Variants in TBXAS1 observed in about 807,000 individuals in gnomAD.
The protein encoded by TBXAS1 is thromboxane-A synthase.
A neutral mutation model predicts 60.7 loss-of-function variants in TBXAS1; 48 were observed. The observed-to-expected ratio is 0.79, with a 90% CI of 0.63 to 1.01. TBXAS1 has a LOEUF of 1.01. Among genes scored for constraint, TBXAS1 ranks in the 50% least tolerant of loss-of-function variants. The pLI is 0.00. For missense variants in TBXAS1, 685 were observed against 686.3 expected (o/e 1.00, Z 0.02); for synonymous variants, 287 against 269.7 (o/e 1.06, Z -0.63).
intron 2 of TBXAS1, among the ~76,000 whole-genome samples, chr7:139,873,469 T>C (rs1318583459): frequency 1.3e-5 from 2 of 151,606 alleles, no homozygotes; most frequent in Admixed American, 6.6e-5. Flanking sequence ...GTGATGAGAG[T>C]GAATAGAGAT....
upstream of TBXAS1, among the ~76,000 whole-genome samples, chr7:139,828,554 A>G (rs1798512687): frequency 6.6e-6 from 1 of 152,142 alleles, no homozygotes; most frequent in South Asian, 2.1e-4. Flanking sequence ...TGGAGCTAAA[A>G]TTCACCATGG....
intron 5 of TBXAS1, among the ~76,000 whole-genome samples, chr7:139,951,555 A>C (rs574925780): frequency 7.9e-6 from 1 of 125,824 alleles, no homozygotes; most frequent in South Asian, 2.7e-4. Flanking sequence ...CAGGAGTTCT[A>C]GATCAGCCTG....
intron 1 of TBXAS1, among the ~76,000 whole-genome samples, chr7:139,861,322 C>G (rs1800948086): frequency 6.6e-6 from 1 of 151,944 alleles, no homozygotes; most frequent in Admixed American, 6.6e-5. Flanking sequence ...TAACCTTGAA[C>G]TCCAGGGCTC....
At chr7:139,953,257 A>G in intron 5 of TBXAS1, 111 bp from the exon 6 acceptor site, 1 of 883,782 alleles carries the variant, frequency 1.1e-6, no homozygotes, top group Admixed American at 1.7e-5. Flanking sequence ...AATATCTTCC[A>G]AACAGTGTTC....
At chr7:139,977,609 A>G (rs1465017530) in intron 9 of TBXAS1, among the ~76,000 whole-genome samples, 1 of 152,124 alleles carries the variant, frequency 6.6e-6, no homozygotes, top group Non-Finnish European at 1.5e-5. Flanking sequence ...ACCTTGTCTC[A>G]GAATTAAGAG....
At chr7:139,936,463 G>A (rs1262008342) in intron 5 of TBXAS1, among the ~76,000 whole-genome samples, 156 bp downstream of exon 5, 2 of 152,200 alleles carry the variant, frequency 1.3e-5, no homozygotes, top group Non-Finnish European at 2.9e-5. Context: ...TATGCAGAAA[G>A]CACGGGACTC....
intron 4 of TBXAS1, among the ~76,000 whole-genome samples, chr7:139,801,576 CCTT>C (rs1797725133): frequency 6.6e-6 from 1 of 151,154 alleles, no homozygotes; most frequent in Non-Finnish European, 1.5e-5. Context: ...CTCAAACAAT[CCTT>C]CTACCTCAGC....
intron 4 of TBXAS1, among the ~76,000 whole-genome samples, chr7:139,823,754 C>T (rs1295388891): frequency 6.6e-6 from 1 of 152,192 alleles, no homozygotes; most frequent in Non-Finnish European, 1.5e-5. Flanking sequence ...GGTTGTGTTA[C>T]ATGTATGACC....
intron 4 of TBXAS1, among the ~76,000 whole-genome samples, chr7:139,819,149 C>A (rs1585551637): frequency 6.6e-6 from 1 of 152,214 alleles, no homozygotes; most frequent in East Asian, 1.9e-4. Flanking sequence ...GGGCTGGCTC[C>A]ATTTCTCAGC....
intron 3 of TBXAS1, among the ~76,000 whole-genome samples, chr7:139,783,597 G>A (rs1797069838): frequency 6.6e-6 from 1 of 152,200 alleles, no homozygotes; most frequent in African/African-American, 2.4e-5. Flanking sequence ...TAGAAATGGT[G>A]CAGAAAGAAG....
chr7:139,856,060 G>T (rs536993614), intron 1 of TBXAS1, among the ~76,000 whole-genome samples: 17 of 152,126 alleles, frequency 1.1e-4, no homozygotes, highest in Non-Finnish European at 2.2e-4. Context: ...GTGAATTTTG[G>T]CTTTCTCAAC....
chr7:139,911,439 C>A, intron 4 of TBXAS1, 118 bp downstream of exon 4: 1 of 925,084 alleles, frequency 1.1e-6, no homozygotes, highest in Non-Finnish European at 1.8e-6. Context: ...GTCAGTTCCA[C>A]TCAAAACTAA....
At chr7:139,949,016 C>T (rs1034790898) in intron 5 of TBXAS1, among the ~76,000 whole-genome samples, 2 of 152,304 alleles carry the variant, frequency 1.3e-5, no homozygotes, top group Admixed American at 6.5e-5. Context: ...ATAAAAATGT[C>T]ATTATCCATT....
At chr7:140,019,823 C>T (rs192892241) in intron 12 of TBXAS1, among the ~76,000 whole-genome samples, 4 of 152,328 alleles carry the variant, frequency 2.6e-5, no homozygotes, top group Admixed American at 2.6e-4. Context: ...TGCTCAGTTA[C>T]TGGCCAGAAC....
At chr7:139,883,190 A>G (rs1802826974) in intron 3 of TBXAS1, among the ~76,000 whole-genome samples, 2 of 152,140 alleles carry the variant, frequency 1.3e-5, no homozygotes, top group African/African-American at 4.8e-5. Context: ...AGACAGAGGA[A>G]TTTGATTTGA....
At chr7:139,859,202 T>G (rs1351631884) in intron 1 of TBXAS1, among the ~76,000 whole-genome samples, 3 of 130,586 alleles carry the variant, frequency 2.3e-5, no homozygotes, top group Admixed American at 7.2e-5. Context: ...ATCGTTAGTT[T>G]TTTTTTTTTT....
At chr7:140,011,758 A>G (rs1814637811) in intron 10 of TBXAS1, among the ~76,000 whole-genome samples, 2 of 152,208 alleles carry the variant, frequency 1.3e-5, no homozygotes, top group South Asian at 4.1e-4. Flanking sequence ...GATGGATGGC[A>G]GTGCTGGTTG....
intron 1 of TBXAS1, among the ~76,000 whole-genome samples, chr7:139,830,401 G>C (rs1396705691): frequency 1.3e-5 from 2 of 152,140 alleles, no homozygotes; most frequent in African/African-American, 2.4e-5. Flanking sequence ...GCAAATGTGA[G>C]GTATTATTCT....
At chr7:139,891,430 A>G (rs1803607376) in intron 3 of TBXAS1, among the ~76,000 whole-genome samples, 3 of 152,208 alleles carry the variant, frequency 2.0e-5, no homozygotes, top group East Asian at 1.9e-4. Flanking sequence ...TCAATCATAC[A>G]GAAACATGAG....
Sources: gnomAD v4.1 joint callset for allele counts (sites outside exome capture counted in the v4.1 genomes callset) on GRCh38, gnomAD v4.1.1 for gene constraint, MANE v1.5 for transcripts, NCBI Gene and HGNC (gene_info 2026-07-23, HGNC 2026-07-21) for gene names.